Variants in NFIB observed in about 807,000 individuals in gnomAD.
NFIB encodes nuclear factor I B, also known as nuclear factor 1 B-type.
Under a neutral mutation model 61.5 loss-of-function variants are expected in NFIB, and 11 were observed. That is an observed-to-expected ratio of 0.18 (90% CI 0.11 to 0.30). The LOEUF is 0.30. Among genes scored for constraint, NFIB ranks in the 10% least tolerant of loss-of-function variants. The pLI is 1.00. For missense variants in NFIB, 471 were observed against 608.9 expected, an observed-to-expected ratio of 0.77 and a Z score of 2.38; for synonymous variants, 260 against 216.5, an observed-to-expected ratio of 1.20 and a Z score of -1.76.
intron 10 of NFIB, among the ~76,000 whole-genome samples, chr9:14,101,356 G>T (rs770694804): frequency 2.6e-5 from 4 of 152,126 alleles, no homozygotes; most frequent in Non-Finnish European, 5.9e-5. Context: ...AACATAATCT[G>T]AATTATTTCC....
the NFIB span, among the ~76,000 whole-genome samples, chr9:14,472,138 A>T: frequency 6.6e-6 from 1 of 152,322 alleles, no homozygotes; most frequent in African/African-American, 2.4e-5. Context: ...GGTTGACTGA[A>T]ATTTTGAGGT....
the NFIB span, among the ~76,000 whole-genome samples, chr9:14,500,373 T>C: frequency 1.6e-4 from 25 of 152,088 alleles, no homozygotes; most frequent in Non-Finnish European, 1.2e-4. Flanking sequence ...TCTTGGGGCT[T>C]GTACAAAATT....
At chr9:14,122,313 C>A (rs1428277002) in intron 7 of NFIB, among the ~76,000 whole-genome samples, 1 of 152,118 alleles carries the variant, frequency 6.6e-6, no homozygotes, top group Non-Finnish European at 1.5e-5. Flanking sequence ...CGACTTTGTT[C>A]TCTGAACGTC....
At chr9:14,110,945 T>C (rs1005373293) in intron 10 of NFIB, among the ~76,000 whole-genome samples, 1 of 152,132 alleles carries the variant, frequency 6.6e-6, no homozygotes, top group Admixed American at 6.5e-5. Flanking sequence ...ATTATCTGTC[T>C]GCATGGTATT....
At chr9:14,344,910 C>T (rs2061000917) in intron 1 of NFIB, among the ~76,000 whole-genome samples, 1 of 152,094 alleles carries the variant, frequency 6.6e-6, no homozygotes, top group African/African-American at 2.4e-5. Context: ...TTTAAATAAC[C>T]AGCAGAAGAG....
chr9:14,158,117 A>C (rs868025129), intron 3 of NFIB, among the ~76,000 whole-genome samples: 2 of 151,850 alleles, frequency 1.3e-5, no homozygotes, highest in African/African-American at 4.8e-5. Context: ...TCTCAAAAAA[A>C]AAAAAAAAAC....
rs534173499 is a variant in NFIB, at chr9:14,179,959, T to C, written c.563-179A>G. Among the ~76,000 whole-genome samples the C allele has an allele frequency of 5.3e-5, 8 of 152,316 alleles. No individual in the cohort carries two copies. In the South Asian group the frequency reaches 1.7e-3, roughly 32 times the overall value. On this transcript the variant is annotated intron_variant, in intron 2 of 10. Coordinates refer to ENST00000380953, the MANE Select transcript of NFIB (RefSeq NM_001190737.2). The stretch of plus-strand genomic sequence containing the variant: ...TTACTCATCAAACTACATGAATGCA[T>C]ATACATATTTCTATGTCAAAAGAAA...
At chr9:14,431,658 G>C in the NFIB span, among the ~76,000 whole-genome samples, 1 of 149,256 alleles carries the variant, frequency 6.7e-6, no homozygotes, top group South Asian at 2.1e-4. Context: ...TACTGTGAGA[G>C]CTTAGATAAC....
At chr9:14,145,652 T>C (rs987442429) in intron 6 of NFIB, among the ~76,000 whole-genome samples, 3 of 40,344 alleles carry the variant, frequency 7.4e-5, no homozygotes, top group African/African-American at 1.5e-4. Flanking sequence ...CTTTTAGACT[T>C]TTTTTTTTTT....
At chr9:14,462,549 T>C in the NFIB span, among the ~76,000 whole-genome samples, 5 of 152,154 alleles carry the variant, frequency 3.3e-5, no homozygotes, top group East Asian at 9.7e-4. Context: ...CCCAAAGTGC[T>C]GGGATTACAG....
chr9:14,364,427 T>C (rs1457939176), intron 1 of NFIB, among the ~76,000 whole-genome samples: 2 of 152,212 alleles, frequency 1.3e-5, no homozygotes. Flanking sequence ...AAAATTCTAA[T>C]GCTTAATACT....
chr9:14,275,937 G>C lies in NFIB; in HGVS notation c.562+31052C>G, dbSNP rs1252972294. On this transcript the variant is annotated intron_variant, in intron 2 of 10. Transcript: ENST00000380953. ...CAGTATACCAAAAACTCTGAAACTA[G>C]GAAGGAAAAAAAAAAAACTTTCTTA... Among the ~76,000 whole-genome samples the C allele has an allele frequency of 7.3e-5, 11 of 150,824 alleles. No homozygotes were observed. In the South Asian group the frequency reaches 2.1e-3, roughly 29 times the overall value.
chr9:14,286,946 T>C (rs2058743739), intron 2 of NFIB, among the ~76,000 whole-genome samples: 1 of 152,250 alleles, frequency 6.6e-6, no homozygotes, highest in East Asian at 1.9e-4. Context: ...TATATCACCT[T>C]ATAAGAGAAC....
At chr9:14,384,422 C>T (rs2061525872) in intron 1 of NFIB, among the ~76,000 whole-genome samples, 1 of 152,204 alleles carries the variant, frequency 6.6e-6, no homozygotes, top group Non-Finnish European at 1.5e-5. Flanking sequence ...GATAGCTCAG[C>T]CTCAGCACTT....
At chr9:14,187,314 A>C (rs12337592) in intron 2 of NFIB, among the ~76,000 whole-genome samples, 7,224 of 152,222 alleles carry the variant, frequency 0.047, 514 homozygotes, top group African/African-American at 0.16. Flanking sequence ...AAGAGAAATT[A>C]GACCTCTCTG....
the NFIB span, among the ~76,000 whole-genome samples, chr9:14,455,130 A>C: frequency 6.6e-6 from 1 of 152,348 alleles, no homozygotes; most frequent in South Asian, 2.1e-4. Flanking sequence ...CCTGCAATAC[A>C]TATTTGGTGA....
At chr9:14,262,256 T>TA (rs1436551434) in intron 2 of NFIB, among the ~76,000 whole-genome samples, 2 of 152,294 alleles carry the variant, frequency 1.3e-5, no homozygotes, top group Admixed American at 6.5e-5. Flanking sequence ...CCTTGTAGAT[T>TA]AAGAACATTT....
At position 14,314,031 on chromosome 9, in the gene NFIB, T is replaced by G. The variant is rs1346705928; in HGVS notation, c.-520A>C. ...AGAATGTGTCACCGCGCTGGGAAAGTTCAAGGTTACAGCCCCAAGCACTGC... is the reference window on the plus strand; with the variant it reads ...AGAATGTGTCACCGCGCTGGGAAAGGTCAAGGTTACAGCCCCAAGCACTGC... On this transcript the variant is annotated 5_prime_UTR_variant, in exon 1 of 11. Coordinates refer to ENST00000380953, the MANE Select transcript of NFIB (RefSeq NM_001190737.2). 1 of 1,068,888 alleles carries G rather than the reference T, an allele frequency of 9.4e-7. No individual in the cohort carries two copies. The highest frequency in any genetic ancestry group is 1.7e-5 in the African/African-American group (1 of 59,802). The allele number at this position is 1,068,888 out of a possible 1,614,324, so 66.2% of individuals were successfully genotyped here.
At chr9:14,142,154 C>T (rs2041802131) in intron 6 of NFIB, among the ~76,000 whole-genome samples, 1 of 152,054 alleles carries the variant, frequency 6.6e-6, no homozygotes, top group Non-Finnish European at 1.5e-5. Context: ...GTGTCCCCAC[C>T]CAAATCTCAT....
Sources: allele counts gnomAD v4.1 joint callset (sites outside exome capture counted in the v4.1 genomes callset), GRCh38; gene constraint gnomAD v4.1.1; transcripts MANE v1.5; gene names NCBI Gene and HGNC (gene_info 2026-07-23, HGNC 2026-07-21).